ENTREP1: variants seen among roughly 807,000 people sequenced by gnomAD.
The protein encoded by ENTREP1 is endosomal transmembrane epsin interactor 1.
At chr9:69,332,420 C>T in the ENTREP1 span, among the ~76,000 whole-genome samples, 4 of 152,300 alleles carry the variant, frequency 2.6e-5, no homozygotes, top group East Asian at 7.7e-4. Flanking sequence ...ATGGAAATGA[C>T]ATTCTTAGTT....
the ENTREP1 span, among the ~76,000 whole-genome samples, chr9:69,358,829 A>G: frequency 6.6e-6 from 1 of 152,104 alleles, no homozygotes; most frequent in African/African-American, 2.4e-5. Flanking sequence ...ACATTTGTTG[A>G]ACATATTTAA....
chr9:69,333,398 G>A, the ENTREP1 span, among the ~76,000 whole-genome samples: 3 of 151,814 alleles, frequency 2.0e-5, no homozygotes, highest in African/African-American at 7.3e-5. Context: ...TCTACCTCCT[G>A]GGTTCAAGTG....
the ENTREP1 span, among the ~76,000 whole-genome samples, chr9:69,350,019 T>C: frequency 6.6e-6 from 1 of 152,200 alleles, no homozygotes; most frequent in Non-Finnish European, 1.5e-5. Flanking sequence ...AACATTTTCT[T>C]TGATTCTCTG....
the ENTREP1 span, among the ~76,000 whole-genome samples, chr9:69,378,311 C>T: frequency 6.0e-4 from 92 of 152,224 alleles, no homozygotes; most frequent in African/African-American, 2.1e-3. Flanking sequence ...ATTGTCTCTC[C>T]CTGGTCTAGA....
the ENTREP1 span, among the ~76,000 whole-genome samples, chr9:69,366,385 GTT>G: frequency 1.4e-5 from 2 of 139,568 alleles, no homozygotes; most frequent in Non-Finnish European, 1.5e-5. Flanking sequence ...TCCAACTGGG[GTT>G]TTTTTTTTTT....
chr9:69,328,049 C>A, the ENTREP1 span, among the ~76,000 whole-genome samples: 5 of 152,122 alleles, frequency 3.3e-5, no homozygotes, highest in Non-Finnish European at 7.4e-5. Flanking sequence ...TTTTTAAAAA[C>A]CTCGTGTTAT....
chr9:69,343,052 G>A, the ENTREP1 span, among the ~76,000 whole-genome samples: 2 of 152,228 alleles, frequency 1.3e-5, no homozygotes, highest in African/African-American at 4.8e-5. Context: ...AGTGGGTTTA[G>A]TTTGGTAGCA....
the ENTREP1 span, among the ~76,000 whole-genome samples, chr9:69,333,187 C>A: frequency 6.6e-6 from 1 of 151,614 alleles, no homozygotes. Flanking sequence ...TGTAAACGTG[C>A]TAGATTGTTA....
the ENTREP1 span, chr9:69,324,999 G>T: frequency 3.0e-6 from 3 of 985,246 alleles, no homozygotes; most frequent in African/African-American, 5.2e-5. Context: ...CAGGTTCGGC[G>T]GGGACCCTGA....
chr9:69,391,970 G>C, the ENTREP1 span: 1 of 672,404 alleles, frequency 1.5e-6, no homozygotes. Flanking sequence ...AGGAGTAAAT[G>C]CACAGGTCGG....
the ENTREP1 span, chr9:69,375,738 G>A: frequency 6.2e-7 from 1 of 1,611,350 alleles, no homozygotes; most frequent in Non-Finnish European, 8.5e-7. Context: ...CCGTTAAGGT[G>A]GACTTAGGTG....
chr9:69,357,795 C>T, the ENTREP1 span, among the ~76,000 whole-genome samples: 1 of 152,144 alleles, frequency 6.6e-6, no homozygotes, highest in African/African-American at 2.4e-5. Flanking sequence ...TTTTGCTAAA[C>T]CAGTTCAGAA....
the ENTREP1 span, among the ~76,000 whole-genome samples, chr9:69,348,423 C>T: frequency 2.0e-5 from 3 of 152,134 alleles, no homozygotes; most frequent in African/African-American, 7.2e-5. Context: ...CCCAAGCCTG[C>T]TGCTTTTTTC....
At chr9:69,334,902 A>G in the ENTREP1 span, among the ~76,000 whole-genome samples, 3 of 149,672 alleles carry the variant, frequency 2.0e-5, no homozygotes, top group African/African-American at 7.4e-5. Flanking sequence ...TCAGCCTCCC[A>G]AGTAGCGTCA....
chr9:69,385,307 C>T, the ENTREP1 span, among the ~76,000 whole-genome samples: 148 of 152,298 alleles, frequency 9.7e-4, 2 homozygotes, highest in East Asian at 1.3e-3. Flanking sequence ...CCAATTCCAG[C>T]GGGGTTTTAC....
chr9:69,364,847 C>A, the ENTREP1 span, among the ~76,000 whole-genome samples: 1 of 152,124 alleles, frequency 6.6e-6, no homozygotes, highest in Admixed American at 6.5e-5. Context: ...TCTATGTGTA[C>A]AAATGAAACC....
At chr9:69,375,881 C>A in the ENTREP1 span, 6 of 1,609,122 alleles carry the variant, frequency 3.7e-6, no homozygotes, top group Non-Finnish European at 3.4e-6. Flanking sequence ...CAAACAGATT[C>A]CCACCCGCAC....
the ENTREP1 span, among the ~76,000 whole-genome samples, chr9:69,358,236 A>G: frequency 6.6e-6 from 1 of 152,192 alleles, no homozygotes; most frequent in Admixed American, 6.5e-5. Flanking sequence ...TGAGGAAGTG[A>G]TGAGTTCCCA....
chr9:69,386,799 C>G, the ENTREP1 span: 1 of 152,258 alleles, frequency 6.6e-6, no homozygotes, highest in Non-Finnish European at 1.5e-5. Flanking sequence ...TCTGGACTGA[C>G]CATGTGCGAG....
Sources: gnomAD v4.1 joint callset for allele counts (sites outside exome capture counted in the v4.1 genomes callset) on GRCh38, gnomAD v4.1.1 for gene constraint, MANE v1.5 for transcripts, NCBI Gene and HGNC (gene_info 2026-07-23, HGNC 2026-07-21) for gene names.